The following SGCZ variants were observed in gnomAD, a reference collection of about 807,000 sequenced individuals.
The protein encoded by SGCZ is zeta-sarcoglycan.
In SGCZ, 40 loss-of-function variants were observed where a neutral mutation model predicts 41.3. The ratio of observed to expected loss-of-function variants is 0.97; its 90% confidence interval spans 0.75 to 1.26. The LOEUF (loss-of-function observed/expected upper bound fraction) is 1.26. Ranked by LOEUF, SGCZ falls within the 50% of genes most tolerant of loss-of-function variation. The pLI is 0.00. For missense variants in SGCZ, 552 were observed against 369.8 expected (o/e 1.49, Z -4.04); for synonymous variants, 206 against 137.5 (o/e 1.50, Z -3.49).
intron 4 of SGCZ, among the ~76,000 whole-genome samples, chr8:14,209,768 A>G (rs999963126): frequency 1.3e-4 from 20 of 152,112 alleles, no homozygotes; most frequent in Non-Finnish European, 1.5e-5. Flanking sequence ...AGTAAACGAG[A>G]GCTGGGATCA....
At chr8:14,547,894 A>G (rs1051364918) in intron 2 of SGCZ, among the ~76,000 whole-genome samples, 18 of 152,164 alleles carry the variant, frequency 1.2e-4, no homozygotes, top group African/African-American at 4.1e-4. Flanking sequence ...TCACTTATTT[A>G]TTTGTTAATG....
intron 2 of SGCZ, among the ~76,000 whole-genome samples, chr8:14,431,698 A>C (rs911382338): frequency 1.1e-4 from 17 of 152,198 alleles, no homozygotes. Flanking sequence ...GGACTTAATT[A>C]AATGAAAGAA....
chr8:14,927,545 A>C (rs919410076), intron 1 of SGCZ, among the ~76,000 whole-genome samples: 1 of 131,870 alleles, frequency 7.6e-6, no homozygotes. Flanking sequence ...GAAGAGGAAG[A>C]AAGAAGAGGG....
chr8:14,784,913 A>AAAAATATATATATAT (rs1408574493), intron 1 of SGCZ, among the ~76,000 whole-genome samples: 23 of 88,030 alleles, frequency 2.6e-4, no homozygotes, highest in African/African-American at 1.1e-3. Flanking sequence ...AAAAAAAAAA[A>AAAAATATATATATAT]ATATATATAT....
intron 7 of SGCZ, among the ~76,000 whole-genome samples, chr8:14,094,719 C>T (rs1210911286): frequency 6.6e-6 from 1 of 152,120 alleles, no homozygotes; most frequent in Non-Finnish European, 1.5e-5. Flanking sequence ...GCACTGTCTT[C>T]CACAATGGTT....
rs775444301 is a variant in SGCZ at position 14,222,792 on chromosome 8, A to AT, written c.424+14799dup. Among the ~76,000 whole-genome samples the AT allele has an allele frequency of 1.1e-3, 53 of 48,896 alleles. 7 individuals are homozygous for AT. The highest frequency in any genetic ancestry group is 2.5e-3 in the African/African-American group (28 of 11,006). The allele number at this position is 48,896 out of a possible 152,430, so 32.1% of individuals were successfully genotyped here. A position where few individuals can be genotyped will look rare whatever the true frequency, so the allele number is the denominator to read the frequency against. On this transcript the variant is annotated intron_variant, in intron 4 of 7. Transcript: ENST00000382080. ...ATTCCACCCTCTCTCAGTCACAGTG[A>AT]TTTTTTTTTTTTTTTTTTTTTTTTT...
chr8:14,929,980 C>T (rs546697754), intron 1 of SGCZ, among the ~76,000 whole-genome samples: 1 of 151,970 alleles, frequency 6.6e-6, no homozygotes, highest in Non-Finnish European at 1.5e-5. Context: ...TACAATTTCT[C>T]ATAATCAAGA....
chr8:15,189,181 A>T (rs934299993), intron 1 of SGCZ, among the ~76,000 whole-genome samples: 2 of 152,212 alleles, frequency 1.3e-5, no homozygotes, highest in African/African-American at 4.8e-5. Flanking sequence ...ATAATTTTAT[A>T]TGATGGATGT....
intron 1 of SGCZ, among the ~76,000 whole-genome samples, chr8:14,935,652 A>G (rs1800060065): frequency 6.6e-6 from 1 of 151,956 alleles, no homozygotes; most frequent in Non-Finnish European, 1.5e-5. Context: ...TTTATAGTAA[A>G]TGGGGAAAAT....
intron 1 of SGCZ, among the ~76,000 whole-genome samples, chr8:14,792,011 T>C (rs1800971770): frequency 6.6e-6 from 1 of 152,172 alleles, no homozygotes; most frequent in African/African-American, 2.4e-5. Context: ...GAAAAAATCA[T>C]AAGGCCGTCT....
chr8:14,840,366 T>A (rs150601193), intron 1 of SGCZ, among the ~76,000 whole-genome samples: 37 of 152,254 alleles, frequency 2.4e-4, no homozygotes, highest in African/African-American at 8.9e-4. Flanking sequence ...GAATCAATAA[T>A]CAAATGTGAA....
chr8:14,165,598 A>G (rs975659083), intron 4 of SGCZ, among the ~76,000 whole-genome samples: 3 of 152,092 alleles, frequency 2.0e-5, no homozygotes, highest in Admixed American at 2.0e-4. Flanking sequence ...ATATGGATCT[A>G]TAGTTCCCGC....
intron 1 of SGCZ, among the ~76,000 whole-genome samples, chr8:14,886,932 G>T (rs980827207): frequency 6.6e-6 from 1 of 152,110 alleles, no homozygotes; most frequent in Admixed American, 6.5e-5. Context: ...GGAGGTGGGA[G>T]AAATTCTGAA....
chr8:15,055,042 C>A (rs1442608314), intron 1 of SGCZ, among the ~76,000 whole-genome samples: 1 of 151,902 alleles, frequency 6.6e-6, no homozygotes, highest in Non-Finnish European at 1.5e-5. Context: ...TCTCTTACAC[C>A]TCCTAAGTAG....
chr8:15,110,132 T>C (rs1173913085), intron 1 of SGCZ, among the ~76,000 whole-genome samples: 2 of 152,152 alleles, frequency 1.3e-5, no homozygotes, highest in African/African-American at 4.8e-5. Context: ...GGCACGTTAG[T>C]GAGAATATTA....
At chr8:14,096,136 C>G (rs368924114) in intron 7 of SGCZ, among the ~76,000 whole-genome samples, 17 of 152,210 alleles carry the variant, frequency 1.1e-4, no homozygotes, top group African/African-American at 4.1e-4. Context: ...TCTTCCAATA[C>G]TATGTTGAAT....
At chr8:14,261,482 C>T (rs1254080921) in intron 3 of SGCZ, among the ~76,000 whole-genome samples, 1 of 152,110 alleles carries the variant, frequency 6.6e-6, no homozygotes, top group African/African-American at 2.4e-5. Context: ...TCTTCTGAAG[C>T]TCTACAATGA....
intron 1 of SGCZ, among the ~76,000 whole-genome samples, chr8:14,966,307 T>C (rs1346808329): frequency 6.6e-6 from 1 of 151,808 alleles, no homozygotes; most frequent in African/African-American, 2.4e-5. Flanking sequence ...TGATAGGCTA[T>C]CAGGTTAAAA....
intron 2 of SGCZ, among the ~76,000 whole-genome samples, chr8:14,427,604 G>A (rs1799823955): frequency 6.6e-6 from 1 of 152,134 alleles, no homozygotes; most frequent in African/African-American, 2.4e-5. Flanking sequence ...CATCTTTTGA[G>A]GCTCATCTTT....
Sources: gnomAD v4.1 joint callset for allele counts (sites outside exome capture counted in the v4.1 genomes callset) on GRCh38, gnomAD v4.1.1 for gene constraint, MANE v1.5 for transcripts, NCBI Gene and HGNC (gene_info 2026-07-23, HGNC 2026-07-21) for gene names.